SYN3: variants seen among roughly 807,000 people sequenced by gnomAD.
The protein encoded by SYN3 is synapsin III.
A neutral mutation model predicts 65.8 loss-of-function variants in SYN3; 35 were observed. The observed-to-expected ratio is 0.53, with a 90% CI of 0.41 to 0.70. The LOEUF is 0.70. Among genes scored for constraint, SYN3 ranks in the 30% least tolerant of loss-of-function variants. The pLI is 0.00. For missense variants in SYN3, 680 were observed against 749.0 expected (o/e 0.91, Z 1.08); for synonymous variants, 270 against 292.9 (o/e 0.92, Z 0.80).
chr22:32,611,823 TG>T (rs1057141141), intron 6 of SYN3, among the ~76,000 whole-genome samples: 3 of 152,154 alleles, frequency 2.0e-5, no homozygotes, highest in Non-Finnish European at 4.4e-5. Flanking sequence ...GAGCATCTTT[TG>T]TTCTAATGAG....
chr22:32,878,663 C>G (rs1249946247), intron 4 of SYN3, among the ~76,000 whole-genome samples: 2 of 152,218 alleles, frequency 1.3e-5, no homozygotes, highest in African/African-American at 4.8e-5. Context: ...TAAGAATATC[C>G]TTCATTTCCA....
At chr22:32,944,091 G>C (rs2051029764) in intron 3 of SYN3, among the ~76,000 whole-genome samples, 2 of 152,176 alleles carry the variant, frequency 1.3e-5, no homozygotes, top group Non-Finnish European at 2.9e-5. Flanking sequence ...TCTGCACCAA[G>C]TGGACGTAAT....
intron 6 of SYN3, among the ~76,000 whole-genome samples, chr22:32,705,435 C>A (rs2060867907): frequency 1.3e-5 from 2 of 152,128 alleles, no homozygotes; most frequent in Admixed American, 1.3e-4. Context: ...TGTACCAGTA[C>A]CATGCTGTTT....
chr22:32,709,658 T>C (rs1380871210), intron 6 of SYN3, among the ~76,000 whole-genome samples: 1 of 152,160 alleles, frequency 6.6e-6, no homozygotes, highest in Non-Finnish European at 1.5e-5. Context: ...TCACCTCCAA[T>C]CCCACCAGTG....
intron 7 of SYN3, among the ~76,000 whole-genome samples, chr22:32,570,360 GC>G (rs1193077889): frequency 6.6e-6 from 1 of 152,214 alleles, no homozygotes; most frequent in Non-Finnish European, 1.5e-5. Flanking sequence ...TTTCCCAAAA[GC>G]AGTAAAGATT....
At chr22:32,661,363 G>T (rs1160526097) in intron 6 of SYN3, among the ~76,000 whole-genome samples, 1 of 152,234 alleles carries the variant, frequency 6.6e-6, no homozygotes, top group East Asian at 1.9e-4. Context: ...AGTCAGCCCG[G>T]GAACAAGTGG....
chr22:32,981,610 A>AATG (rs1352395562), intron 2 of SYN3, among the ~76,000 whole-genome samples: 1 of 151,896 alleles, frequency 6.6e-6, no homozygotes, highest in Non-Finnish European at 1.5e-5. Flanking sequence ...TAATAATAAT[A>AATG]ATAATTGTGC....
At chr22:33,038,502 TCCTTTCCC>T (rs1400099845) in intron 1 of SYN3, among the ~76,000 whole-genome samples, 2 of 152,168 alleles carry the variant, frequency 1.3e-5, no homozygotes, top group African/African-American at 4.8e-5. Context: ...AATTCTCACA[TCCTTTCCC>T]CCAGGGTCCA....
intron 1 of SYN3, among the ~76,000 whole-genome samples, chr22:33,013,919 G>A (rs77755436): frequency 0.19 from 28,294 of 150,510 alleles, 2,755 homozygotes; most frequent in Non-Finnish European, 0.21. Flanking sequence ...TTTTTTTTTG[G>A]TCTGAGATGG....
intron 6 of SYN3, among the ~76,000 whole-genome samples, chr22:32,793,157 A>G (rs886477025): frequency 1.3e-5 from 2 of 152,166 alleles, no homozygotes; most frequent in African/African-American, 4.8e-5. Context: ...TTATCATTCC[A>G]AGGTTGACGA....
intron 1 of SYN3, among the ~76,000 whole-genome samples, chr22:33,044,834 G>T (rs1212337823): frequency 6.7e-6 from 1 of 148,636 alleles, no homozygotes; most frequent in African/African-American, 2.4e-5. Flanking sequence ...AACCTTCCCA[G>T]ATGATTCTTC....
At chr22:32,538,202 T>C in intron 8 of SYN3, 92 bp from the exon 9 acceptor site, 1 of 1,088,482 alleles carries the variant, frequency 9.2e-7, no homozygotes, top group East Asian at 2.4e-5. Flanking sequence ...GAGGCTCTGA[T>C]TCAAATAACT....
At chr22:32,821,782 G>A (rs2047254034) in intron 6 of SYN3, among the ~76,000 whole-genome samples, 2 of 152,130 alleles carry the variant, frequency 1.3e-5, no homozygotes, top group East Asian at 3.9e-4. Context: ...CTCAGTGGAG[G>A]GATACTTCCT....
At chr22:32,642,807 C>G (rs1398118012) in intron 6 of SYN3, among the ~76,000 whole-genome samples, 1 of 152,144 alleles carries the variant, frequency 6.6e-6, no homozygotes, top group Non-Finnish European at 1.5e-5. Flanking sequence ...ATCCTCCCAC[C>G]TTGGCCTCTC....
intron 2 of SYN3, among the ~76,000 whole-genome samples, chr22:32,992,809 T>A (rs2145725989): frequency 6.6e-6 from 1 of 152,108 alleles, no homozygotes; most frequent in East Asian, 1.9e-4. Context: ...CGAGACTCCA[T>A]CTCAAAATAA....
chr22:32,591,246 A>AC (rs2059124045), intron 7 of SYN3, among the ~76,000 whole-genome samples: 1 of 151,946 alleles, frequency 6.6e-6, no homozygotes, highest in African/African-American at 2.4e-5. Context: ...AAAAAAAAAA[A>AC]CTTAAAAATT....
intron 6 of SYN3, among the ~76,000 whole-genome samples, chr22:32,618,614 C>T (rs1004823433): frequency 2.6e-5 from 4 of 152,090 alleles, no homozygotes; most frequent in Non-Finnish European, 4.4e-5. Flanking sequence ...GGCCTTTGGA[C>T]GGAATGTTCA....
intron 3 of SYN3, among the ~76,000 whole-genome samples, chr22:32,956,061 T>TATATATATAA (rs1263294092): frequency 7.0e-6 from 1 of 142,918 alleles, no homozygotes; most frequent in African/African-American, 2.6e-5. Context: ...TATATATATA[T>TATATATATAA]AAAATCTCCT....
intron 6 of SYN3, among the ~76,000 whole-genome samples, chr22:32,715,611 T>C (rs1485520837): frequency 6.6e-6 from 1 of 151,834 alleles, no homozygotes; most frequent in African/African-American, 2.4e-5. Context: ...AAACCCCGTC[T>C]CTACTAAAAA....
Sources: allele counts gnomAD v4.1 joint callset (sites outside exome capture counted in the v4.1 genomes callset), GRCh38; gene constraint gnomAD v4.1.1; transcripts MANE v1.5; gene names NCBI Gene and HGNC (gene_info 2026-07-23, HGNC 2026-07-21).